Variants in PALM observed in about 807,000 individuals in gnomAD.
PALM encodes the protein paralemmin.
Under a neutral mutation model 30.7 loss-of-function variants are expected in PALM, and 18 were observed. The ratio of observed to expected loss-of-function variants is 0.59; its 90% CI spans 0.41 to 0.87. The LOEUF (loss-of-function observed/expected upper bound fraction) is 0.87. PALM is among the 40% of genes least tolerant of loss of function. The probability of loss-of-function intolerance (pLI) is 0.00; values close to 1 mark genes in which losing one functional copy is unlikely to be tolerated. For missense variants in PALM, 529 were observed against 555.4 expected (o/e 0.95, Z 0.48); for synonymous variants, 286 against 242.8 (o/e 1.18, Z -1.66).
chr19:736,050 G>A lies in PALM; in HGVS notation c.474G>A (p.Thr158=), dbSNP rs776067542. ...GAGTCTCCAACACGCCCCTGAGGAC[G>A]GTTGACGGCTCCCCCATGATGAAGG... ...DKRVSNTPLR[T]VDGSPMMKAA... Residue 158 remains threonine, a synonymous_variant, in exon 7 of 9, where the codon ACG becomes ACA. Coordinates refer to ENST00000338448, the MANE Select transcript of PALM (RefSeq NM_002579.3). The A allele has an allele frequency of 1.9e-5, 30 of 1,610,390 alleles. No homozygotes were observed. Among genetic ancestry groups the A allele is most frequent in the Non-Finnish European group, 2.0e-5 (24 of 1,178,328 alleles).
At chr19:731,734 T>C (rs1310654322) in intron 5 of PALM, among the ~76,000 whole-genome samples, 1 of 151,972 alleles carries the variant, frequency 6.6e-6, no homozygotes. Flanking sequence ...AGTGGTACAG[T>C]CTGCAACCTC....
rs920021280 is a variant in PALM at position 717,297 on chromosome 19, G to T, written c.5+8146G>T. ...CCCAAAACAAGCCCTGTCCCCATTA[G>T]GCATCCCCTCCCGTCCCCCTCCCCC... is the stretch of plus-strand genomic sequence containing the variant. On this transcript the variant is annotated intron_variant, in intron 1 of 8. Transcript: ENST00000338448. Among the ~76,000 whole-genome samples, 19 of 152,104 alleles carry T rather than the reference G, an allele frequency of 1.2e-4. No individual in the cohort carries two copies. The East Asian group carries it at 3.7e-3, about 29-fold the overall frequency.
intron 1 of PALM, among the ~76,000 whole-genome samples, chr19:713,621 C>G (rs1216224430): frequency 5.3e-5 from 8 of 152,228 alleles, no homozygotes; most frequent in African/African-American, 1.7e-4. Flanking sequence ...CGCTGTCACC[C>G]AGGCTGGAGC....
intron 5 of PALM, among the ~76,000 whole-genome samples, chr19:733,579 A>T (rs551565407): frequency 6.6e-6 from 1 of 152,222 alleles, no homozygotes; most frequent in Admixed American, 6.5e-5. Context: ...AGGCCAAGGG[A>T]GGAGGATCGC....
intron 5 of PALM, among the ~76,000 whole-genome samples, chr19:733,228 G>A (rs2032925146): frequency 6.6e-6 from 1 of 152,118 alleles, no homozygotes; most frequent in African/African-American, 2.4e-5. Flanking sequence ...GCCCAGCCAA[G>A]GAAGTGGGTT....
intron 4 of PALM, among the ~76,000 whole-genome samples, chr19:728,060 T>TACCCA (rs759443059): frequency 6.5e-4 from 98 of 151,718 alleles, no homozygotes; most frequent in Middle Eastern, 3.4e-3. Flanking sequence ...TGGAGCTGGG[T>TACCCA]GTTGCCGGCA....
chr19:731,308 GC>G, intron 5 of PALM, 63 bp downstream of exon 5: 1 of 1,423,440 alleles, frequency 7.0e-7, no homozygotes, highest in Non-Finnish European at 9.5e-7. Context: ...CCAGAGCGAG[GC>G]CCCAGCCCTT....
chr19:727,546 T>C lies in PALM; in HGVS notation c.139-18T>C, dbSNP rs1201854321. ...CCTGGTCCTGCCCACGACTCTGACC[T>C]GGATCCCTGCTGCTCAGTCCAAGGC... On this transcript the variant is annotated intron_variant, in intron 3 of 8. Transcript: ENST00000338448. 1.3e-6 allele frequency: 2 copies of C among 1,579,700 alleles called. No individual in the cohort carries two copies. The highest frequency in any genetic ancestry group is 1.7e-6 in the Non-Finnish European group (2 of 1,162,376).
In PALM at chr19:746,697, G is replaced by C; in HGVS notation, c.1047G>C (p.Glu349Asp). ...EPAPPNGSAA[E>D]PPTEAASREE... is the part of the protein sequence containing the mutation. ...CACCACCCAACGGCAGTGCTGCCGAGCCTCCCACGGAGGCCGCCTCCAGGG... is the reference window on the plus strand; with the variant it reads ...CACCACCCAACGGCAGTGCTGCCGACCCTCCCACGGAGGCCGCCTCCAGGG... The change falls in exon 9 of 9, where the codon GAG (glutamate) becomes GAC (aspartate). Residue 349 changes from glutamate to aspartate, a missense_variant. By Grantham distance (45) the Glu-to-Asp change is conservative (BLOSUM62 2). Transcript: ENST00000338448. This position sits in a 1 kb window ranked among gnomAD's most constrained non-coding sequence, Gnocchi z 7.1. The C allele has an allele frequency of 4.3e-6, 7 of 1,609,542 alleles. No individual in the cohort carries two copies. The highest frequency in any genetic ancestry group is 5.9e-6 in the Non-Finnish European group (7 of 1,178,580).
intron 7 of PALM, among the ~76,000 whole-genome samples, chr19:739,631 T>C (rs909887474): frequency 8.6e-5 from 13 of 151,890 alleles, no homozygotes; most frequent in African/African-American, 3.1e-4. Flanking sequence ...CAGTGAGCTG[T>C]GATCGTGCCG....
chr19:738,413 C>G (rs2033086665), intron 7 of PALM, among the ~76,000 whole-genome samples: 1 of 152,122 alleles, frequency 6.6e-6, no homozygotes, highest in African/African-American at 2.4e-5. Flanking sequence ...GTAATCCCAG[C>G]TGCTCGGGAG....
intron 4 of PALM, among the ~76,000 whole-genome samples, chr19:729,459 T>TG (rs1491103383): frequency 3.4e-5 from 2 of 59,302 alleles, no homozygotes; most frequent in African/African-American, 1.1e-4. Context: ...ACGGTGCGTC[T>TG]TTTTTTTTTT....
intron 1 of PALM, among the ~76,000 whole-genome samples, chr19:717,662 A>G (rs2032310283): frequency 6.6e-6 from 1 of 151,944 alleles, no homozygotes; most frequent in Admixed American, 6.6e-5. Context: ...ACATAAGTGT[A>G]AGTCGTGACA....
intron 4 of PALM, among the ~76,000 whole-genome samples, chr19:728,847 CAA>C (rs935100033): frequency 2.6e-5 from 4 of 151,668 alleles, no homozygotes; most frequent in African/African-American, 9.7e-5. Flanking sequence ...ACTAAAAATA[CAA>C]AAAAATTAGC....
intron 1 of PALM, among the ~76,000 whole-genome samples, chr19:722,153 C>A (rs1035706792): frequency 6.9e-6 from 1 of 145,538 alleles, no homozygotes; most frequent in Non-Finnish European, 1.5e-5. Flanking sequence ...CTCCTGACCT[C>A]GTGATCCGCC....
intron 4 of PALM, among the ~76,000 whole-genome samples, chr19:729,796 A>T (rs1311311292): frequency 6.6e-6 from 1 of 152,008 alleles, no homozygotes; most frequent in African/African-American, 2.4e-5. Flanking sequence ...AACATTAAGC[A>T]CCAGCTGTGT....
In PALM at chr19:740,288, G is replaced by A. The variant is rs550549865; in HGVS notation, c.503-64G>A. ...TGGCTCCCCCCTCCCTGGCTTGGCCGCAGCCCGGCGGGGGGGTGCGGGGGC... is the reference window on the plus strand; with the variant it reads ...TGGCTCCCCCCTCCCTGGCTTGGCCACAGCCCGGCGGGGGGGTGCGGGGGC... On this transcript the variant is annotated intron_variant, in intron 7 of 8. Coordinates refer to ENST00000338448, the MANE Select transcript of PALM (RefSeq NM_002579.3). 33 of 1,475,440 alleles carry A rather than the reference G, an allele frequency of 2.2e-5. No homozygotes were observed. The East Asian group carries it at 4.6e-4, about 21-fold the overall frequency. 91.4% of individuals were successfully genotyped at this position (1,475,440 alleles called of 1,614,324 possible).
Position 740,661 on chromosome 19 carries a change from C to T in PALM, c.634+178C>T, listed in dbSNP as rs146089728. ...GTGGCCCACAGCTGGGCTCAGAGGT[C>T]GTTCAGCCCTGGGCTCACTGCCCAA... is the stretch of plus-strand genomic sequence containing the variant. On this transcript the variant is annotated intron_variant, in intron 8 of 8. Coordinates refer to ENST00000338448, the MANE Select transcript of PALM (RefSeq NM_002579.3). 3.9e-5 allele frequency among the ~76,000 whole-genome samples: 6 copies of T among 152,346 alleles called. No homozygotes were observed. The South Asian group carries it at 1.0e-3, about 26-fold the overall frequency.
At chr19:734,479 C>G (rs924322102) in intron 6 of PALM, 3 of 449,776 alleles carry the variant, frequency 6.7e-6, no homozygotes, top group South Asian at 2.3e-5. Context: ...GCAGGAGGAT[C>G]GATCGCTTGA....
Sources: gnomAD v4.1 joint callset for allele counts (sites outside exome capture counted in the v4.1 genomes callset) on GRCh38, gnomAD v4.1.1 for gene constraint, Gnocchi (gnomAD v3.1) non-coding constraint, MANE v1.5 for transcripts, NCBI Gene and HGNC (gene_info 2026-07-23, HGNC 2026-07-21) for gene names.